The following CELF2 variants were observed in gnomAD, a reference collection of about 807,000 sequenced individuals.
The protein encoded by CELF2 is CUGBP Elav-like family member 2.
A neutral mutation model predicts 62.6 loss-of-function variants in CELF2; 8 were observed. The ratio of observed to expected loss-of-function variants is 0.13; its 90% CI spans 0.07 to 0.23. The LOEUF (loss-of-function observed/expected upper bound fraction) is 0.23. Ranked by LOEUF, CELF2 falls within the 10% of genes least tolerant of loss-of-function variation. CELF2 has a pLI of 1.00. For missense variants in CELF2, 333 were observed against 671.0 expected (o/e 0.50, Z 5.56); for synonymous variants, 258 against 250.0 (o/e 1.03, Z -0.30).
the CELF2 span, among the ~76,000 whole-genome samples, chr10:10,763,927 G>A: frequency 3.3e-5 from 5 of 152,214 alleles, no homozygotes; most frequent in African/African-American, 1.2e-4. Flanking sequence ...TAAATTCCAG[G>A]ATGAGAAAGT....
chr10:11,211,211 C>T lies in CELF2; in HGVS notation c.272-6214C>T, dbSNP rs7079326. Among the ~76,000 whole-genome samples the T allele has an allele frequency of 0.67, 102,149 of 152,134 alleles. 35,901 individuals are homozygous for T. Among genetic ancestry groups the T allele is most frequent in the Non-Finnish European group, 0.8 (54,320 of 68,016 alleles). The stretch of plus-strand genomic sequence containing the variant: ...AGAAGATGACTTTAGCTCAGGAGTT[C>T]GAAGTTAAAGTGAACTATGATTGCA... On this transcript the variant is annotated intron_variant, in intron 2 of 12. Transcript: ENST00000633077. The surrounding 1 kb of genome is among the most constrained non-coding windows in gnomAD (Gnocchi z 4.8).
chr10:10,597,313 A>G, the CELF2 span, among the ~76,000 whole-genome samples: 2 of 152,242 alleles, frequency 1.3e-5, no homozygotes, highest in African/African-American at 2.4e-5. Flanking sequence ...TAGAAATGAC[A>G]TTATGAACAA....
chr10:10,571,440 T>C, the CELF2 span, among the ~76,000 whole-genome samples: 2 of 152,184 alleles, frequency 1.3e-5, no homozygotes, highest in Admixed American at 1.3e-4. Flanking sequence ...TAATATAATA[T>C]TTCTCCAGAA....
intron 4 of CELF2, among the ~76,000 whole-genome samples, chr10:11,250,504 G>A (rs1360625099): frequency 6.6e-6 from 1 of 152,156 alleles, no homozygotes; most frequent in Non-Finnish European, 1.5e-5. Context: ...ATCCGCTGCT[G>A]CTCTGTGGCC....
chr10:11,167,318 A>T (rs970966080), intron 2 of CELF2, among the ~76,000 whole-genome samples: 1 of 152,256 alleles, frequency 6.6e-6, no homozygotes, highest in South Asian at 2.1e-4. Context: ...CTCACCAGCC[A>T]GACTGTCACC....
In CELF2 at chr10:11,267,348, C is replaced by T. The variant is rs561047981; in HGVS notation, c.618+671C>T. ...AGGTAAACACCCTGGTGTGGATGCA[C>T]ACCCACGAACCTAGATAGATGGCTC... On this transcript the variant is annotated intron_variant, in intron 6 of 12. Transcript: ENST00000633077. The surrounding 1 kb of genome is among the most constrained non-coding windows in gnomAD (Gnocchi z 4.4). 5.9e-5 allele frequency among the ~76,000 whole-genome samples: 9 copies of T among 152,316 alleles called. No homozygotes were observed. The highest frequency in any genetic ancestry group is 2.2e-4 in the African/African-American group (9 of 41,556).
At chr10:11,152,048 C>G (rs1377648053) in intron 1 of CELF2, among the ~76,000 whole-genome samples, 2 of 152,146 alleles carry the variant, frequency 1.3e-5, no homozygotes, top group Non-Finnish European at 2.9e-5. Context: ...AAAGTCCTGA[C>G]CCTAGCACCA....
chr10:10,853,379 G>T (rs888823541), intron 1 of CELF2, among the ~76,000 whole-genome samples: 3 of 152,160 alleles, frequency 2.0e-5, no homozygotes, highest in African/African-American at 7.2e-5. Flanking sequence ...AAGATGGTGG[G>T]CAGGTAGGGG....
At chr10:11,138,617 A>T (rs2060812872) in intron 1 of CELF2, among the ~76,000 whole-genome samples, 1 of 152,246 alleles carries the variant, frequency 6.6e-6, no homozygotes, top group African/African-American at 2.4e-5. Context: ...GCCTGAAAAC[A>T]TACTGCCAAA....
At chr10:10,638,552 G>T in the CELF2 span, among the ~76,000 whole-genome samples, 5 of 152,156 alleles carry the variant, frequency 3.3e-5, no homozygotes, top group African/African-American at 1.2e-4. Flanking sequence ...ACATTGTAAA[G>T]AAACACCTAT....
rs886757645 is a variant in CELF2, at chr10:10,930,808, T to C, written c.89+10809T>C. 2.0e-5 allele frequency among the ~76,000 whole-genome samples: 3 copies of C among 152,250 alleles called. No homozygotes were observed. The East Asian group carries it at 5.8e-4, about 29-fold the overall frequency. On this transcript the variant is annotated intron_variant, in intron 2 of 13. Coordinates refer to the CELF2 transcript ENST00000636488. The stretch of plus-strand genomic sequence containing the variant: ...GCATTTCCAAGATATAATAACATTC[T>C]ATATTAAATACAATATTCTCATCTT...
At chr10:10,698,630 G>A in the CELF2 span, among the ~76,000 whole-genome samples, 3 of 152,142 alleles carry the variant, frequency 2.0e-5, no homozygotes, top group Admixed American at 1.3e-4. Flanking sequence ...CAACCAACAC[G>A]TTTTGGTCTC....
the CELF2 span, among the ~76,000 whole-genome samples, chr10:10,569,597 G>A: frequency 6.6e-6 from 1 of 152,156 alleles, no homozygotes; most frequent in Non-Finnish European, 1.5e-5. Flanking sequence ...TAAGATGTGT[G>A]TATCAGTTGG....
intron 1 of CELF2, among the ~76,000 whole-genome samples, chr10:10,873,981 T>C (rs185550339): frequency 3.2e-4 from 49 of 152,242 alleles, no homozygotes; most frequent in African/African-American, 1.1e-3. Context: ...TTGCCCTATA[T>C]CTAGTTGATG....
At chr10:10,783,206 G>A in the CELF2 span, among the ~76,000 whole-genome samples, 1 of 152,310 alleles carries the variant, frequency 6.6e-6, no homozygotes, top group African/African-American at 2.4e-5. Context: ...CACAGTATCT[G>A]TGACTGTGAC....
At chr10:10,503,750 G>T in the CELF2 span, among the ~76,000 whole-genome samples, 1 of 151,562 alleles carries the variant, frequency 6.6e-6, no homozygotes, top group East Asian at 1.9e-4. Context: ...ATTTGTTATG[G>T]CTTAAGTCTA....
At chr10:11,033,174 G>A (rs1442871456) in intron 1 of CELF2, among the ~76,000 whole-genome samples, 1 of 151,972 alleles carries the variant, frequency 6.6e-6, no homozygotes, top group Admixed American at 6.5e-5. Flanking sequence ...TCACTGTCCA[G>A]TGGTGAGGTG....
At chr10:10,667,555 G>A in the CELF2 span, among the ~76,000 whole-genome samples, 3 of 152,172 alleles carry the variant, frequency 2.0e-5, no homozygotes, top group African/African-American at 4.8e-5. Context: ...AACTGGAGTT[G>A]CTGAATGGGT....
At chr10:10,537,064 A>C in the CELF2 span, among the ~76,000 whole-genome samples, 2 of 152,172 alleles carry the variant, frequency 1.3e-5, no homozygotes, top group Non-Finnish European at 2.9e-5. Context: ...TGCCGGAGTA[A>C]AATGGTAAGC....
Sources: allele counts gnomAD v4.1 joint callset (sites outside exome capture counted in the v4.1 genomes callset), GRCh38; gene constraint gnomAD v4.1.1; non-coding constraint Gnocchi (gnomAD v3.1); transcripts MANE v1.5; gene names NCBI Gene and HGNC (gene_info 2026-07-23, HGNC 2026-07-21).